LRP1B: variants seen among roughly 807,000 people sequenced by gnomAD.
LRP1B encodes the protein LDL receptor related protein 1B.
In LRP1B, 217 loss-of-function variants were observed where a neutral mutation model predicts 556.6. The observed-to-expected ratio is 0.39, with a 90% confidence interval of 0.35 to 0.44. The LOEUF (loss-of-function observed/expected upper bound fraction) is 0.44, where lower values mean the gene tolerates loss of function less well. Among genes scored for constraint, LRP1B ranks in the 20% least tolerant of loss-of-function variants. The pLI is 1.00. For synonymous variants in LRP1B, 2,047 were observed against 1,865.8 expected (o/e 1.10, Z -2.50); for missense variants, 5,053 against 5,620.8 (o/e 0.90, Z 3.23).
chr2:141,942,509 A>C (rs10192560), intron 1 of LRP1B, among the ~76,000 whole-genome samples: 130,355 of 152,040 alleles, frequency 0.86, 56,097 homozygotes, highest in East Asian at 1. Flanking sequence ...CAAAACAAAA[A>C]AAAAAACAAA....
At chr2:142,103,758 C>T (rs1706648527) in intron 1 of LRP1B, among the ~76,000 whole-genome samples, 1 of 151,562 alleles carries the variant, frequency 6.6e-6, no homozygotes, top group Non-Finnish European at 1.5e-5. Context: ...ATATTTTAAG[C>T]TAGAATATAT....
Position 140,851,899 on chromosome 2 carries a change from C to A in LRP1B, c.4580-116G>T, listed in dbSNP as rs879079103. The stretch of plus-strand genomic sequence containing the variant: ...CAAAGTAAAGTTTCCTACATAGAAC[C>A]CATTAGTAGGGTGATTAATATGACA... On this transcript the variant is annotated intron_variant, in intron 27 of 90. Coordinates refer to ENST00000389484, the MANE Select transcript of LRP1B (RefSeq NM_018557.3). 6 of 771,552 alleles carry A rather than the reference C, an allele frequency of 7.8e-6. No individual in the cohort carries two copies. The South Asian group carries it at 9.4e-5, about 12-fold the overall frequency. The allele number at this position is 771,552 out of a possible 1,614,324, so 47.8% of individuals were successfully genotyped here.
intron 41 of LRP1B, among the ~76,000 whole-genome samples, chr2:140,627,239 T>C (rs2105266676): frequency 6.6e-6 from 1 of 152,306 alleles, no homozygotes; most frequent in South Asian, 2.1e-4. Context: ...ATGCAAGTTA[T>C]TGTTCCTGGA....
At chr2:141,796,006 TA>T (rs551267055) in intron 2 of LRP1B, among the ~76,000 whole-genome samples, 1 of 150,438 alleles carries the variant, frequency 6.6e-6, no homozygotes, top group Non-Finnish European at 1.5e-5. Flanking sequence ...GGTTAAATCT[TA>T]AACACAAGCC....
intron 32 of LRP1B, among the ~76,000 whole-genome samples, chr2:140,783,612 T>C (rs1482405561): frequency 6.6e-6 from 1 of 152,140 alleles, no homozygotes; most frequent in Non-Finnish European, 1.5e-5. Flanking sequence ...AATCTAGACC[T>C]GCAATAGGAG....
chr2:140,629,829 C>T (rs1683814009), intron 41 of LRP1B, among the ~76,000 whole-genome samples: 1 of 152,200 alleles, frequency 6.6e-6, no homozygotes, highest in East Asian at 1.9e-4. Flanking sequence ...TTTGATTTTG[C>T]AATTTAATAT....
chr2:142,062,852 A>G (rs1375603), intron 1 of LRP1B, among the ~76,000 whole-genome samples: 90,905 of 151,350 alleles, frequency 0.6, 28,630 homozygotes, highest in East Asian at 0.69. Flanking sequence ...TTCTTAAGCA[A>G]TTATGGGAAC....
chr2:140,748,397 C>CATATATTATATTCATATATAAT (rs1559094110), intron 35 of LRP1B, among the ~76,000 whole-genome samples: 1 of 79,082 alleles, frequency 1.3e-5, no homozygotes, highest in African/African-American at 4.7e-5. Flanking sequence ...ATATTATATT[C>CATATATTATATTCATATATAAT]ATATATTATA....
At chr2:141,242,290 C>T (rs1286794448) in intron 5 of LRP1B, among the ~76,000 whole-genome samples, 1 of 151,982 alleles carries the variant, frequency 6.6e-6, no homozygotes, top group Non-Finnish European at 1.5e-5. Context: ...CTCCGCCTCC[C>T]AAAAGAAAAT....
chr2:141,334,081 C>A (rs990060746), intron 3 of LRP1B, among the ~76,000 whole-genome samples: 5 of 152,138 alleles, frequency 3.3e-5, no homozygotes, highest in African/African-American at 1.2e-4. Flanking sequence ...AATCTAAAAA[C>A]AATATATTTC....
At chr2:141,234,949 A>T (rs1457390726) in intron 5 of LRP1B, among the ~76,000 whole-genome samples, 1 of 152,180 alleles carries the variant, frequency 6.6e-6, no homozygotes, top group Non-Finnish European at 1.5e-5. Context: ...TTTTCAAAAC[A>T]TAATGGTCAC....
chr2:140,313,218 A>G (rs192801394), intron 83 of LRP1B, among the ~76,000 whole-genome samples: 1 of 152,068 alleles, frequency 6.6e-6, no homozygotes, highest in Non-Finnish European at 1.5e-5. Flanking sequence ...TGTATCTCAT[A>G]TTGAATCCAT....
intron 86 of LRP1B, among the ~76,000 whole-genome samples, chr2:140,247,725 T>A (rs1319124021): frequency 6.6e-6 from 1 of 151,618 alleles, no homozygotes; most frequent in East Asian, 1.9e-4. Flanking sequence ...TGTGCCCAAG[T>A]TTTTATTGGG....
At chr2:141,351,074 T>C (rs1688426887) in intron 3 of LRP1B, among the ~76,000 whole-genome samples, 1 of 152,082 alleles carries the variant, frequency 6.6e-6, no homozygotes, top group Non-Finnish European at 1.5e-5. Context: ...TCCATTTTTA[T>C]GGCTACTTTC....
chr2:140,314,320 CAGT>C (rs1222015067), intron 83 of LRP1B, among the ~76,000 whole-genome samples: 5 of 151,948 alleles, frequency 3.3e-5, no homozygotes, highest in African/African-American at 1.2e-4. Context: ...TAATACAAGT[CAGT>C]AGAAGAATAT....
intron 43 of LRP1B, among the ~76,000 whole-genome samples, chr2:140,564,300 T>A (rs972725310): frequency 6.6e-6 from 1 of 152,084 alleles, no homozygotes; most frequent in Non-Finnish European, 1.5e-5. Flanking sequence ...AAATTAAAAA[T>A]CCTTTAGATA....
At chr2:141,652,608 T>C (rs1199973395) in intron 2 of LRP1B, among the ~76,000 whole-genome samples, 1 of 152,220 alleles carries the variant, frequency 6.6e-6, no homozygotes, top group Non-Finnish European at 1.5e-5. Context: ...AATGTTTTTC[T>C]ATCTGTCATT....
intron 89 of LRP1B, among the ~76,000 whole-genome samples, chr2:140,235,224 G>A (rs1038851): frequency 0.98 from 148,737 of 151,230 alleles, 73,209 homozygotes; most frequent in Middle Eastern, 1. Flanking sequence ...TCTTCAAACT[G>A]TTCTGTGGTT....
intron 3 of LRP1B, among the ~76,000 whole-genome samples, chr2:141,376,601 A>C (rs1037296744): frequency 6.6e-6 from 1 of 152,172 alleles, no homozygotes; most frequent in Non-Finnish European, 1.5e-5. Flanking sequence ...TTTTAGATGC[A>C]GAAATGTTTT....
Sources: allele counts gnomAD v4.1 joint callset (sites outside exome capture counted in the v4.1 genomes callset), GRCh38; gene constraint gnomAD v4.1.1; transcripts MANE v1.5; gene names NCBI Gene and HGNC (gene_info 2026-07-23, HGNC 2026-07-21).